The following CADPS2 variants were observed in gnomAD, a reference collection of about 807,000 sequenced individuals.
CADPS2 encodes calcium-dependent secretion activator 2.
Under a neutral mutation model 172.5 loss-of-function variants are expected in CADPS2, and 93 were observed. The ratio of observed to expected loss-of-function variants is 0.54; its 90% CI spans 0.46 to 0.64. The LOEUF is 0.64. Ranked by LOEUF, CADPS2 falls within the 30% of genes least tolerant of loss-of-function variation. The pLI, the probability that CADPS2 is intolerant of heterozygous loss-of-function variation, is 0.00. For missense variants in CADPS2, 1,420 were observed against 1,565.9 expected (o/e 0.91, Z 1.57); for synonymous variants, 546 against 555.2 (o/e 0.98, Z 0.23).
intron 7 of CADPS2, among the ~76,000 whole-genome samples, chr7:122,569,420 T>C (rs1472554608): frequency 6.6e-6 from 1 of 151,972 alleles, no homozygotes; most frequent in Admixed American, 6.6e-5. Flanking sequence ...TGCTCGTGGA[T>C]AGGAAGAATC....
chr7:122,409,279 T>A (rs1485871913), intron 19 of CADPS2, among the ~76,000 whole-genome samples: 1 of 152,170 alleles, frequency 6.6e-6, no homozygotes, highest in Non-Finnish European at 1.5e-5. Context: ...AATGCAGTCC[T>A]GCAAAGAGAC....
chr7:122,842,924 C>T (rs1013641143), intron 1 of CADPS2, among the ~76,000 whole-genome samples: 16 of 152,122 alleles, frequency 1.1e-4, no homozygotes, highest in African/African-American at 3.9e-4. Flanking sequence ...GCTAGGGAGC[C>T]TTCAAAGCCT....
intron 12 of CADPS2, among the ~76,000 whole-genome samples, chr7:122,475,333 C>G (rs535633042): frequency 2.6e-5 from 4 of 152,248 alleles, no homozygotes; most frequent in African/African-American, 2.4e-5. Flanking sequence ...AGAAACGTAG[C>G]GCATACTGAG....
rs1018145450 is a variant in CADPS2, at chr7:122,319,019, T to C, written c.*1146A>G. 8 of 152,298 alleles carry C rather than the reference T, an allele frequency of 5.3e-5. No homozygotes were observed. The highest frequency in any genetic ancestry group is 1.9e-4 in the African/African-American group (8 of 41,576). 9.4% of individuals were successfully genotyped at this position (152,298 alleles called of 1,614,324 possible). ...GAGAACTTACGCAACATAATACAAT[T>C]ATCTCTCAAACCCTAGCAAGAAAAT... On this transcript the variant is annotated 3_prime_UTR_variant, in exon 30 of 30. Transcript: ENST00000449022.
intron 2 of CADPS2, among the ~76,000 whole-genome samples, chr7:122,683,627 C>A (rs2083305433): frequency 6.6e-6 from 1 of 151,774 alleles, no homozygotes; most frequent in Non-Finnish European, 1.5e-5. Flanking sequence ...ATTTTAAAAT[C>A]ACTGCTACTT....
At chr7:122,741,805 T>C (rs192558666) in intron 1 of CADPS2, among the ~76,000 whole-genome samples, 44 of 152,326 alleles carry the variant, frequency 2.9e-4, no homozygotes, top group African/African-American at 5.8e-4. Context: ...ATGGCTTCCA[T>C]ACAACTCTAG....
At chr7:122,553,816 GC>G (rs2064644609) in intron 8 of CADPS2, among the ~76,000 whole-genome samples, 1 of 152,064 alleles carries the variant, frequency 6.6e-6, no homozygotes, top group African/African-American at 2.4e-5. Context: ...AAGAAAAATG[GC>G]CCCTTTTCTT....
At position 122,737,024 on chromosome 7, in the gene CADPS2, G is replaced by A. The variant is rs763590222; in HGVS notation, c.384C>T (p.Ala128=). Residue 128 remains alanine (A), a synonymous_variant, in exon 2 of 30, where the codon GCC becomes GCT. Coordinates refer to ENST00000449022, the MANE Select transcript of CADPS2 (RefSeq NM_017954.11). ...CAATTTGGGTTTCCCCATTGAGGAAGGCCTGGAACCGTTCTTTCAGTAACT... is the reference window on the plus strand; with the variant it reads ...CAATTTGGGTTTCCCCATTGAGGAAAGCCTGGAACCGTTCTTTCAGTAACT... ...QLQLLKERFQ[A]FLNGETQIVA... is the part of the protein sequence containing the mutation. The A allele has an allele frequency of 1.2e-6, 2 of 1,612,236 alleles. No individual in the cohort carries two copies. The highest frequency in any genetic ancestry group is 1.7e-6 in the Non-Finnish European group (2 of 1,178,492).
chr7:122,398,787 C>T (rs2045518639), intron 20 of CADPS2, among the ~76,000 whole-genome samples: 1 of 148,914 alleles, frequency 6.7e-6, no homozygotes, highest in Non-Finnish European at 1.5e-5. Context: ...CCACCCCTCA[C>T]CCCTTCCTCC....
intron 3 of CADPS2, among the ~76,000 whole-genome samples, chr7:122,645,097 T>G (rs1178872505): frequency 6.6e-6 from 1 of 151,474 alleles, no homozygotes; most frequent in Non-Finnish European, 1.5e-5. Flanking sequence ...GATCAAAATG[T>G]TCAAAGGCAA....
At chr7:122,621,804 G>C in intron 4 of CADPS2, 87 bp from the exon 5 acceptor site, 1 of 757,164 alleles carries the variant, frequency 1.3e-6, no homozygotes. Context: ...ATACTTCACT[G>C]TCTTAGAAAT....
chr7:122,401,975 G>A (rs1278392106), intron 20 of CADPS2, among the ~76,000 whole-genome samples: 3 of 152,128 alleles, frequency 2.0e-5, no homozygotes, highest in African/African-American at 7.2e-5. Flanking sequence ...TCCAAGCTAT[G>A]ACTTTCCCTA....
At chr7:122,749,574 GTAAAT>G (rs761444553) in intron 1 of CADPS2, among the ~76,000 whole-genome samples, 2 of 152,030 alleles carry the variant, frequency 1.3e-5, no homozygotes, top group African/African-American at 4.8e-5. Flanking sequence ...TACATTTCAA[GTAAAT>G]TAAATTATAT....
Position 122,789,568 on chromosome 7 carries a change from A to C in CADPS2, c.340-52500T>G, listed in dbSNP as rs1355842899. Reference sequence around the variant, plus strand: ...TCCCAAACCTAGAGGACACAAATACAAATTTTCCCCCTACCACACACACTA... The same window carrying C: ...TCCCAAACCTAGAGGACACAAATACCAATTTTCCCCCTACCACACACACTA... On this transcript the variant is annotated intron_variant, in intron 1 of 29. Coordinates refer to ENST00000449022, the MANE Select transcript of CADPS2 (RefSeq NM_017954.11). Among the ~76,000 whole-genome samples, 3 of 152,220 alleles carry C rather than the reference A, an allele frequency of 2.0e-5. No individual in the cohort carries two copies. The East Asian group carries it at 5.8e-4, about 29-fold the overall frequency.
At chr7:122,400,873 G>A (rs2045865862) in intron 20 of CADPS2, among the ~76,000 whole-genome samples, 1 of 152,190 alleles carries the variant, frequency 6.6e-6, no homozygotes, top group Admixed American at 6.5e-5. Context: ...TTCAAAGCTT[G>A]AAGATTAACC....
chr7:122,744,926 C>A (rs759906163), intron 1 of CADPS2, among the ~76,000 whole-genome samples: 4 of 151,740 alleles, frequency 2.6e-5, no homozygotes, highest in Non-Finnish European at 5.9e-5. Flanking sequence ...CATGAGTTTC[C>A]TTGTCATGTT....
At chr7:122,819,365 C>T (rs1802447148) in intron 1 of CADPS2, among the ~76,000 whole-genome samples, 1 of 152,192 alleles carries the variant, frequency 6.6e-6, no homozygotes, top group South Asian at 2.1e-4. Context: ...GACTCCTTCC[C>T]AGATCTTCTC....
At chr7:122,751,422 G>A (rs1332495021) in intron 1 of CADPS2, among the ~76,000 whole-genome samples, 3 of 152,160 alleles carry the variant, frequency 2.0e-5, no homozygotes, top group Non-Finnish European at 4.4e-5. Flanking sequence ...AAGACTGAGA[G>A]CATAGTTTCG....
intron 1 of CADPS2, among the ~76,000 whole-genome samples, chr7:122,839,933 T>C (rs1404546366): frequency 1.3e-5 from 2 of 152,208 alleles, no homozygotes; most frequent in African/African-American, 2.4e-5. Flanking sequence ...TTACTGGGTG[T>C]ATACCCAAAG....
Sources: allele counts gnomAD v4.1 joint callset (sites outside exome capture counted in the v4.1 genomes callset), GRCh38; gene constraint gnomAD v4.1.1; transcripts MANE v1.5; gene names NCBI Gene and HGNC (gene_info 2026-07-23, HGNC 2026-07-21).